SLIT2: variants seen among roughly 807,000 people sequenced by gnomAD.
SLIT2 encodes the protein slit guidance ligand 2, also known as slit homolog 2 protein.
SLIT2 carries 41 observed loss-of-function variants against 185.7 expected under a neutral mutation model. The observed-to-expected ratio is 0.22, with a 90% CI of 0.17 to 0.29. SLIT2 has a LOEUF of 0.29. SLIT2 is among the 10% of genes least tolerant of loss of function. The pLI is 1.00. For missense variants in SLIT2, 1,571 were observed against 1,909.0 expected, an observed-to-expected ratio of 0.82 and a Z score of 3.30; for synonymous variants, 693 against 680.2, an observed-to-expected ratio of 1.02 and a Z score of -0.29.
intron 4 of SLIT2, among the ~76,000 whole-genome samples, chr4:20,318,132 A>G (rs1413999899): frequency 6.6e-6 from 1 of 152,134 alleles, no homozygotes; most frequent in Non-Finnish European, 1.5e-5. Context: ...AAAGGCTTAA[A>G]ATGAAAGCTT....
chr4:20,411,012 C>T (rs1185043973), intron 4 of SLIT2, among the ~76,000 whole-genome samples: 3 of 152,072 alleles, frequency 2.0e-5, no homozygotes, highest in Non-Finnish European at 4.4e-5. Flanking sequence ...GGCAGTATGG[C>T]CATTTTCATG....
chr4:20,389,414 T>C (rs1725234741), intron 4 of SLIT2, among the ~76,000 whole-genome samples: 1 of 152,132 alleles, frequency 6.6e-6, no homozygotes, highest in African/African-American at 2.4e-5. Flanking sequence ...AGTTGTTCTT[T>C]CTGACATGAT....
intron 4 of SLIT2, among the ~76,000 whole-genome samples, chr4:20,375,852 A>G (rs1723971316): frequency 6.6e-6 from 1 of 152,046 alleles, no homozygotes; most frequent in East Asian, 1.9e-4. Context: ...TTTTAAAAAT[A>G]TTTTATATCA....
chr4:20,455,548 C>T (rs1712972433), intron 4 of SLIT2, among the ~76,000 whole-genome samples: 1 of 152,052 alleles, frequency 6.6e-6, no homozygotes, highest in Non-Finnish European at 1.5e-5. Context: ...CTGCATTCAT[C>T]AGCCAAGAAA....
intron 4 of SLIT2, among the ~76,000 whole-genome samples, chr4:20,456,257 A>G (rs1251253910): frequency 3.9e-5 from 6 of 152,220 alleles, no homozygotes; most frequent in Middle Eastern, 3.4e-3. Flanking sequence ...TAGAATCCCA[A>G]CACAACCTCT....
intron 33 of SLIT2, among the ~76,000 whole-genome samples, chr4:20,605,635 T>G (rs1413139618): frequency 1.3e-5 from 2 of 152,194 alleles, no homozygotes; most frequent in African/African-American, 2.4e-5. Flanking sequence ...GACTGAAAAG[T>G]GGATTATGGC....
chr4:20,254,462 C>T lies in SLIT2; in HGVS notation c.179+468C>T, dbSNP rs1430134461. On this transcript the variant is annotated intron_variant, in intron 1 of 36. Transcript: ENST00000504154. The surrounding 1 kb of genome is among the most constrained non-coding windows in gnomAD (Gnocchi z 5.1). The stretch of plus-strand genomic sequence containing the variant: ...GGAGACTCAAAAGAGAGAAACTTGC[C>T]TTCCCCGATTTTTTGTCACCCTCCT... Among the ~76,000 whole-genome samples, 2 of 152,118 alleles carry T rather than the reference C, an allele frequency of 1.3e-5. No homozygotes were observed. The highest frequency in any genetic ancestry group is 6.5e-5 in the Admixed American group (1 of 15,270).
At chr4:20,414,587 T>A (rs1455946455) in intron 4 of SLIT2, among the ~76,000 whole-genome samples, 1 of 152,164 alleles carries the variant, frequency 6.6e-6, no homozygotes, top group Non-Finnish European at 1.5e-5. Flanking sequence ...AATATGGAAA[T>A]ATCCAAGCTT....
At chr4:20,457,975 A>G (rs920738887) in intron 4 of SLIT2, among the ~76,000 whole-genome samples, 3 of 152,042 alleles carry the variant, frequency 2.0e-5, no homozygotes, top group African/African-American at 7.2e-5. Flanking sequence ...GAGTCAAAGA[A>G]TCTCAGTAAC....
intron 9 of SLIT2, among the ~76,000 whole-genome samples, chr4:20,502,108 A>G (rs1311328338): frequency 1.3e-5 from 2 of 152,240 alleles, no homozygotes; most frequent in African/African-American, 4.8e-5. Flanking sequence ...GTGATAACTT[A>G]AGCAGAAAAC....
chr4:20,389,528 T>A (rs1725245902), intron 4 of SLIT2, among the ~76,000 whole-genome samples: 1 of 150,664 alleles, frequency 6.6e-6, no homozygotes, highest in Admixed American at 6.6e-5. Context: ...ATTAAGTTGT[T>A]ATGTGTTTTT....
chr4:20,314,343 G>A (rs1017611998), intron 4 of SLIT2, among the ~76,000 whole-genome samples: 7 of 152,142 alleles, frequency 4.6e-5, no homozygotes, highest in Non-Finnish European at 1.0e-4. Flanking sequence ...TGGGAAACAG[G>A]TATTTCACAG....
At chr4:20,561,862 CAG>C (rs1724722617) in intron 26 of SLIT2, among the ~76,000 whole-genome samples, 2 of 151,722 alleles carry the variant, frequency 1.3e-5, no homozygotes, top group African/African-American at 2.4e-5. Context: ...AAAAACTTAA[CAG>C]ATATTTATTT....
At chr4:20,296,685 CT>C (rs1716517531) in intron 4 of SLIT2, among the ~76,000 whole-genome samples, 1 of 152,152 alleles carries the variant, frequency 6.6e-6, no homozygotes. Flanking sequence ...AAATGTGGCA[CT>C]TTCTTTTACA....
intron 4 of SLIT2, among the ~76,000 whole-genome samples, chr4:20,332,175 G>A (rs1720115668): frequency 2.0e-5 from 3 of 152,040 alleles, no homozygotes; most frequent in Admixed American, 1.3e-4. Context: ...CAATCTGGAT[G>A]TCATATATAT....
intron 4 of SLIT2, among the ~76,000 whole-genome samples, chr4:20,298,275 G>A (rs1716692971): frequency 6.6e-6 from 1 of 151,976 alleles, no homozygotes; most frequent in Admixed American, 6.6e-5. Flanking sequence ...TTTTAGTAGA[G>A]ACGGGGTTTC....
chr4:20,291,938 G>GTGCA (rs1211742596), intron 4 of SLIT2, among the ~76,000 whole-genome samples: 1 of 146,192 alleles, frequency 6.8e-6, no homozygotes, highest in Non-Finnish European at 1.5e-5. Flanking sequence ...GTGTGTGTGT[G>GTGCA]TGCATGTGTG....
At chr4:20,298,005 G>A (rs73234433) in intron 4 of SLIT2, among the ~76,000 whole-genome samples, 1 of 151,958 alleles carries the variant, frequency 6.6e-6, no homozygotes, top group Non-Finnish European at 1.5e-5. Context: ...CTAAGAGACA[G>A]TACCAATGTT....
At chr4:20,308,327 C>G (rs570435081) in intron 4 of SLIT2, among the ~76,000 whole-genome samples, 1 of 152,342 alleles carries the variant, frequency 6.6e-6, no homozygotes, top group South Asian at 2.1e-4. Context: ...TATGGAATCT[C>G]TGGAGTGCTC....
Sources: allele counts gnomAD v4.1 joint callset (sites outside exome capture counted in the v4.1 genomes callset), GRCh38; gene constraint gnomAD v4.1.1; non-coding constraint Gnocchi (gnomAD v3.1); transcripts MANE v1.5; gene names NCBI Gene and HGNC (gene_info 2026-07-23, HGNC 2026-07-21).